CACNA2D3: variants seen among roughly 807,000 people sequenced by gnomAD.
The protein encoded by CACNA2D3 is voltage-dependent calcium channel subunit alpha-2/delta-3.
Under a neutral mutation model 160.6 loss-of-function variants are expected in CACNA2D3, and 60 were observed. That is an observed-to-expected ratio of 0.37 (90% confidence interval 0.30 to 0.46). The LOEUF (loss-of-function observed/expected upper bound fraction) is 0.46. CACNA2D3 is among the 20% of genes least tolerant of loss of function. CACNA2D3 has a pLI of 1.00. For missense variants in CACNA2D3, 1,205 were observed against 1,365.0 expected, an observed-to-expected ratio of 0.88 and a Z score of 1.85; for synonymous variants, 558 against 492.9, an observed-to-expected ratio of 1.13 and a Z score of -1.75.
intron 2 of CACNA2D3, among the ~76,000 whole-genome samples, chr3:54,193,862 C>T (rs1455799833): frequency 6.6e-6 from 1 of 152,226 alleles, no homozygotes. Context: ...CATTGCTTCT[C>T]TGTGCCTCAA....
At chr3:54,352,237 G>GA (rs1698576866) in intron 3 of CACNA2D3, among the ~76,000 whole-genome samples, 1 of 152,030 alleles carries the variant, frequency 6.6e-6, no homozygotes, top group South Asian at 2.1e-4. Context: ...TTTATTCCTG[G>GA]GAGCCTCTAC....
Position 54,154,941 on chromosome 3 carries a change from T to C in CACNA2D3, c.204+31347T>C, listed in dbSNP as rs187691875. Among the ~76,000 whole-genome samples, 34 of 152,334 alleles carry C rather than the reference T, an allele frequency of 2.2e-4. 1 individual carries two copies. Among genetic ancestry groups the C allele is most frequent in the Admixed American group, 2.0e-3 (31 of 15,300 alleles). On this transcript the variant is annotated intron_variant, in intron 2 of 37. Coordinates refer to ENST00000474759, the MANE Select transcript of CACNA2D3 (RefSeq NM_018398.3). ...ATTGTTTTTCTATAAATTGACTTAC[T>C]TAAAAAAATTTCAATAAAATTATTT...
rs928348514 is a variant in CACNA2D3 at position 54,968,565 on chromosome 3, T to C, written c.2511+54T>C. The C allele has an allele frequency of 4.4e-6, 6 of 1,352,558 alleles. No individual in the cohort carries two copies. In the Admixed American group the frequency reaches 9.5e-5, roughly 21 times the overall value. 83.8% of individuals were successfully genotyped at this position (1,352,558 alleles called of 1,614,324 possible). Reference sequence around the variant, plus strand: ...TAGCGACACTGTTATTATACAGGTGTTCCCATTTGGGTACCTGGAGCCTGA... The same window carrying C: ...TAGCGACACTGTTATTATACAGGTGCTCCCATTTGGGTACCTGGAGCCTGA... On this transcript the variant is annotated intron_variant, in intron 28 of 37. Transcript: ENST00000474759.
At chr3:54,984,874 G>A (rs1171975813) in intron 30 of CACNA2D3, among the ~76,000 whole-genome samples, 2 of 152,120 alleles carry the variant, frequency 1.3e-5, no homozygotes, top group African/African-American at 4.8e-5. Flanking sequence ...ACCTCCCACT[G>A]GGGGGTGCAG....
At chr3:54,216,602 A>G (rs1268195520) in intron 2 of CACNA2D3, among the ~76,000 whole-genome samples, 1 of 152,240 alleles carries the variant, frequency 6.6e-6, no homozygotes, top group Non-Finnish European at 1.5e-5. Context: ...ATTTCACAGA[A>G]GGCGTGATGG....
At chr3:54,871,646 C>A in intron 18 of CACNA2D3, 24 bp downstream of exon 18, 1 of 1,559,438 alleles carries the variant, frequency 6.4e-7, no homozygotes, top group Non-Finnish European at 8.8e-7. Context: ...TTTCAGGCCT[C>A]GTGGAGAAGG....
intron 5 of CACNA2D3, among the ~76,000 whole-genome samples, chr3:54,554,702 C>G (rs773226347): frequency 6.6e-6 from 1 of 152,064 alleles, no homozygotes; most frequent in African/African-American, 2.4e-5. Flanking sequence ...CATCAGCTAA[C>G]CAGTGGTAAG....
At chr3:54,472,861 A>C (rs971945761) in intron 4 of CACNA2D3, among the ~76,000 whole-genome samples, 1 of 152,246 alleles carries the variant, frequency 6.6e-6, no homozygotes, top group Admixed American at 6.5e-5. Context: ...GGAGAACTAC[A>C]AACCACTGCT....
At chr3:54,315,273 C>T (rs1291399227) in intron 2 of CACNA2D3, among the ~76,000 whole-genome samples, 1 of 152,162 alleles carries the variant, frequency 6.6e-6, no homozygotes, top group Non-Finnish European at 1.5e-5. Flanking sequence ...TGTCTACTCC[C>T]TGGGGGAAGG....
intron 30 of CACNA2D3, among the ~76,000 whole-genome samples, chr3:54,985,630 G>A (rs1304511589): frequency 6.6e-6 from 1 of 152,136 alleles, no homozygotes; most frequent in Non-Finnish European, 1.5e-5. Context: ...AAATATTTGA[G>A]TATACTAATA....
chr3:54,695,885 C>T (rs139882217), intron 11 of CACNA2D3, among the ~76,000 whole-genome samples: 1,823 of 152,214 alleles, frequency 0.012, 41 homozygotes, highest in Non-Finnish European at 0.011. Context: ...GTGGTTTTGC[C>T]ATGTCAAAGT....
chr3:54,296,428 A>G (rs3934631), intron 2 of CACNA2D3, among the ~76,000 whole-genome samples: 35,379 of 152,150 alleles, frequency 0.23, 4,351 homozygotes, highest in South Asian at 0.34. Flanking sequence ...CTGTTGGAGA[A>G]GGAAACTTAC....
intron 2 of CACNA2D3, among the ~76,000 whole-genome samples, chr3:54,164,179 T>A (rs375964885): frequency 6.6e-6 from 1 of 152,218 alleles, no homozygotes; most frequent in East Asian, 1.9e-4. Context: ...TGTCACTGTT[T>A]CTGTGTGTGA....
At chr3:54,876,124 G>A (rs537241465) in intron 18 of CACNA2D3, 2 of 152,208 alleles carry the variant, frequency 1.3e-5, no homozygotes, top group African/African-American at 4.8e-5. Flanking sequence ...GTTCACTGTT[G>A]TAAATCCAAG....
At chr3:54,938,729 G>A (rs1010083168) in intron 27 of CACNA2D3, among the ~76,000 whole-genome samples, 7 of 151,198 alleles carry the variant, frequency 4.6e-5, no homozygotes, top group African/African-American at 7.3e-5. Flanking sequence ...TTTTAAAAAC[G>A]TCTTTCAAGG....
intron 2 of CACNA2D3, among the ~76,000 whole-genome samples, chr3:54,239,672 G>A (rs1030414149): frequency 6.6e-6 from 1 of 152,182 alleles, no homozygotes; most frequent in African/African-American, 2.4e-5. Flanking sequence ...TTCCTAAAAA[G>A]CAGACAATCT....
At chr3:54,494,674 G>C (rs1297522241) in intron 4 of CACNA2D3, among the ~76,000 whole-genome samples, 1 of 152,160 alleles carries the variant, frequency 6.6e-6, no homozygotes, top group African/African-American at 2.4e-5. Context: ...GTATTAGTCT[G>C]TTTTCACACT....
rs192104811 is a variant in CACNA2D3 at position 54,865,745 on chromosome 3, G to T, written c.1627-5794G>T. ...GAGCTGCATGGGGGCAGGGGCTGCT[G>T]CATCTCATCAATCAGTATCAGCCAT... is the stretch of plus-strand genomic sequence containing the variant. On this transcript the variant is annotated intron_variant, in intron 17 of 37. Coordinates refer to ENST00000474759, the MANE Select transcript of CACNA2D3 (RefSeq NM_018398.3). Among the ~76,000 whole-genome samples, 3 of 152,306 alleles carry T rather than the reference G, an allele frequency of 2.0e-5. No individual in the cohort carries two copies. The East Asian group carries it at 5.8e-4, about 29-fold the overall frequency.
chr3:54,653,044 A>G (rs1034939261), intron 11 of CACNA2D3, among the ~76,000 whole-genome samples: 6 of 152,008 alleles, frequency 3.9e-5, no homozygotes, highest in African/African-American at 7.2e-5. Context: ...TGGTCTCCCA[A>G]AGTGCTGAGA....
Sources: allele counts gnomAD v4.1 joint callset (sites outside exome capture counted in the v4.1 genomes callset), GRCh38; gene constraint gnomAD v4.1.1; transcripts MANE v1.5; gene names NCBI Gene and HGNC (gene_info 2026-07-23, HGNC 2026-07-21).